PIK3CB: variants seen among roughly 807,000 people sequenced by gnomAD.
PIK3CB encodes phosphatidylinositol-4,5-bisphosphate 3-kinase catalytic subunit beta, also known as phosphatidylinositol 4,5-bisphosphate 3-kinase catalytic subunit beta isoform.
PIK3CB carries 39 observed loss-of-function variants against 136.8 expected under a neutral mutation model. The ratio of observed to expected loss-of-function variants is 0.29; its 90% CI spans 0.22 to 0.37. The LOEUF (loss-of-function observed/expected upper bound fraction) is 0.37. Among genes scored for constraint, PIK3CB ranks in the 10% least tolerant of loss-of-function variants. The pLI, the probability that PIK3CB is intolerant of heterozygous loss-of-function variation, is 1.00. For missense variants in PIK3CB, 868 were observed against 1,275.4 expected (o/e 0.68, Z 4.87); for synonymous variants, 428 against 436.6 (o/e 0.98, Z 0.25).
At chr3:138,810,988 G>A (rs1039862473) in intron 1 of PIK3CB, among the ~76,000 whole-genome samples, 3 of 151,960 alleles carry the variant, frequency 2.0e-5, no homozygotes, top group African/African-American at 7.2e-5. Context: ...AGTACTCTTG[G>A]GAGGCCGAGA....
intron 14 of PIK3CB, among the ~76,000 whole-genome samples, chr3:138,693,954 TATATATATATA>T (rs2044069687): frequency 2.8e-5 from 1 of 35,870 alleles, no homozygotes; most frequent in African/African-American, 2.2e-4. Context: ...TATATATATA[TATATATATATA>T]TTATATATAT....
intron 10 of PIK3CB, among the ~76,000 whole-genome samples, chr3:138,710,023 C>CAAAAA (rs34985570): frequency 3.3e-5 from 3 of 91,948 alleles, no homozygotes; most frequent in African/African-American, 7.9e-5. Flanking sequence ...ACAAAAAATA[C>CAAAAA]AAAAAAAAAA....
At chr3:138,748,596 CT>C (rs1385060246) in intron 4 of PIK3CB, among the ~76,000 whole-genome samples, 1 of 152,070 alleles carries the variant, frequency 6.6e-6, no homozygotes, top group Non-Finnish European at 1.5e-5. Context: ...TCATTCAGGA[CT>C]GGTTAAATAA....
rs551107328 is a variant in PIK3CB, at chr3:138,798,138, G to C, written c.-121-1571C>G. The stretch of plus-strand genomic sequence containing the variant: ...TTAGGGTAAAGATAGAAAGAAACAA[G>C]AATCTGCAGTTATTTATTTATTTAT... On this transcript the variant is annotated intron_variant, in intron 1 of 23. Transcript: ENST00000674063. 9.2e-5 allele frequency among the ~76,000 whole-genome samples: 14 copies of C among 152,074 alleles called. No homozygotes were observed. The South Asian group carries it at 2.7e-3, about 29-fold the overall frequency.
chr3:138,773,813 C>T (rs1474103226), intron 2 of PIK3CB, among the ~76,000 whole-genome samples: 1 of 152,138 alleles, frequency 6.6e-6, no homozygotes, highest in Non-Finnish European at 1.5e-5. Context: ...ATTTCATCCC[C>T]ACAGTCTTCT....
intron 1 of PIK3CB, among the ~76,000 whole-genome samples, chr3:138,831,483 G>A (rs1559896219): frequency 6.6e-6 from 1 of 151,880 alleles, no homozygotes; most frequent in Non-Finnish European, 1.5e-5. Context: ...CTACTTGGGA[G>A]GCTGAGGCAG....
At chr3:138,765,740 T>C (rs1389343359) in intron 2 of PIK3CB, among the ~76,000 whole-genome samples, 1 of 150,852 alleles carries the variant, frequency 6.6e-6, no homozygotes. Flanking sequence ...TGTAGTCCCA[T>C]CTACCTGGAA....
intron 18 of PIK3CB, 88 bp downstream of exon 18, chr3:138,683,590 T>G (rs1002689378): frequency 4.0e-6 from 3 of 755,772 alleles, no homozygotes; most frequent in Non-Finnish European, 7.0e-6. Context: ...TGTTACACAC[T>G]TACACTACAC....
At position 138,703,374 on chromosome 3, in the gene PIK3CB, A is replaced by G. The variant is rs2044293538; in HGVS notation, c.1581+1069T>C. Among the ~76,000 whole-genome samples the G allele has an allele frequency of 2.0e-5, 3 of 152,304 alleles. No homozygotes were observed. In the South Asian group the frequency reaches 6.2e-4, roughly 32 times the overall value. ...CTGTGAGAATGGGAAAAACATACAC[A>G]TTGTCTCCAGTTTGCCTCCTAGTCT... On this transcript the variant is annotated intron_variant, in intron 12 of 23. Coordinates refer to ENST00000674063, the MANE Select transcript of PIK3CB (RefSeq NM_006219.3).
At chr3:138,677,780 A>T (rs1313078089) in intron 19 of PIK3CB, among the ~76,000 whole-genome samples, 1 of 152,144 alleles carries the variant, frequency 6.6e-6, no homozygotes, top group African/African-American at 2.4e-5. Context: ...CTATAATCCC[A>T]GCTACTCGGG....
intron 8 of PIK3CB, among the ~76,000 whole-genome samples, chr3:138,722,243 C>A (rs1213290709): frequency 6.6e-6 from 1 of 151,002 alleles, no homozygotes; most frequent in African/African-American, 2.4e-5. Flanking sequence ...CACACACACA[C>A]ACACACACAC....
chr3:138,717,311 T>C (rs1000183458), intron 8 of PIK3CB, among the ~76,000 whole-genome samples: 2 of 152,008 alleles, frequency 1.3e-5, no homozygotes, highest in Admixed American at 6.6e-5. Context: ...TTGGTGATTG[T>C]TGTCTCCTCT....
chr3:138,741,221 A>C (rs993524393), intron 5 of PIK3CB, among the ~76,000 whole-genome samples: 2 of 152,210 alleles, frequency 1.3e-5, no homozygotes, highest in Non-Finnish European at 2.9e-5. Context: ...GTTGTCTAAA[A>C]GGAGGCAAAA....
intron 8 of PIK3CB, among the ~76,000 whole-genome samples, chr3:138,725,808 C>A (rs999520350): frequency 6.6e-5 from 10 of 152,112 alleles, no homozygotes; most frequent in Non-Finnish European, 1.2e-4. Context: ...TGAGATAATT[C>A]CAACATCTGT....
At chr3:138,691,595 G>A (rs975381200) in intron 14 of PIK3CB, among the ~76,000 whole-genome samples, 1 of 152,096 alleles carries the variant, frequency 6.6e-6, no homozygotes, top group African/African-American at 2.4e-5. Flanking sequence ...CCCTTTTCCT[G>A]CCACCTTGTG....
At chr3:138,817,077 G>A (rs1185577011) in intron 1 of PIK3CB, among the ~76,000 whole-genome samples, 4 of 151,876 alleles carry the variant, frequency 2.6e-5, no homozygotes, top group Non-Finnish European at 4.4e-5. Flanking sequence ...GGTGGCTCAC[G>A]CCTGGAATCC....
chr3:138,694,840 T>A lies in PIK3CB; in HGVS notation c.1838A>T (p.Asn613Ile). 6.2e-7 allele frequency: 1 copy of A among 1,613,194 alleles called. No individual in the cohort carries two copies. Among genetic ancestry groups the A allele is most frequent in the South Asian group, 1.1e-5 (1 of 90,882 alleles). Residue 613 changes from asparagine (N) to isoleucine (I), a missense_variant, in exon 14 of 24, where the codon AAC becomes ATC. Asn to Ile is a moderately radical substitution (Grantham distance 149). Around this residue, in one of 4 missense-constraint regions of PIK3CB, gnomAD observed 612 missense variants for 801.1 expected, o/e 0.76. Coordinates refer to ENST00000674063, the MANE Select transcript of PIK3CB (RefSeq NM_006219.3). ...TTCTCGAACGTACTGGTCTGGATAGTTGAAATCCAGAAGCTCTAGGGCCTC... is the reference window on the plus strand; with the variant it reads ...TTCTCGAACGTACTGGTCTGGATAGATGAAATCCAGAAGCTCTAGGGCCTC... ...PREALELLDFNYPDQYVREYA... is the reference protein window; with the variant it reads ...PREALELLDFIYPDQYVREYA...
intron 2 of PIK3CB, among the ~76,000 whole-genome samples, chr3:138,787,376 A>C (rs1298186394): frequency 6.6e-6 from 1 of 151,936 alleles, no homozygotes; most frequent in Non-Finnish European, 1.5e-5. Flanking sequence ...AAAAAAAAAA[A>C]AAAAAGAAGC....
intron 2 of PIK3CB, among the ~76,000 whole-genome samples, chr3:138,763,970 G>C (rs1246779148): frequency 6.6e-6 from 1 of 151,954 alleles, no homozygotes; most frequent in Non-Finnish European, 1.5e-5. Flanking sequence ...CATTAGCTGG[G>C]CATGGAGGCA....
Sources: allele counts gnomAD v4.1 joint callset (sites outside exome capture counted in the v4.1 genomes callset), GRCh38; gene constraint gnomAD v4.1.1; regional missense constraint gnomAD v4.1.1; transcripts MANE v1.5; gene names NCBI Gene and HGNC (gene_info 2026-07-23, HGNC 2026-07-21).